TMEM266: variants seen among roughly 807,000 people sequenced by gnomAD.
The protein encoded by TMEM266 is Hv1 related protein 1.
TMEM266 carries 33 observed loss-of-function variants against 50.5 expected under a neutral mutation model. The ratio of observed to expected loss-of-function variants is 0.65; its 90% CI spans 0.50 to 0.87. TMEM266 has a LOEUF of 0.87. Ranked by LOEUF, TMEM266 falls within the 40% of genes least tolerant of loss-of-function variation. The pLI is 0.00. For missense variants in TMEM266, 655 were observed against 695.1 expected (o/e 0.94, Z 0.65); for synonymous variants, 310 against 292.3 (o/e 1.06, Z -0.62).
At chr15:76,133,861 G>T (rs1253315396) in intron 1 of TMEM266, among the ~76,000 whole-genome samples, 1 of 152,146 alleles carries the variant, frequency 6.6e-6, no homozygotes, top group Non-Finnish European at 1.5e-5. Flanking sequence ...CTGTTTTGGG[G>T]GGCACAGCAG....
At chr15:76,193,084 G>C (rs2038606532) in intron 9 of TMEM266, among the ~76,000 whole-genome samples, 1 of 152,234 alleles carries the variant, frequency 6.6e-6, no homozygotes. Context: ...TCAGCTCCAT[G>C]ACTGGAGGCT....
rs771311818 is a variant in TMEM266 at position 76,175,637 on chromosome 15, A to G, written c.731A>G (p.Gln244Arg). ...AAGGCCAAGGTCATCCAAGACGAGC[A>G]GCTGGAGAGGCTGACGCAGATCTGT... The change falls in exon 8 of 11, where the codon CAG becomes CGG. Residue 244 changes from glutamine to arginine, a missense_variant. Gln to Arg is a conservative substitution (Grantham distance 43, BLOSUM62 1). Around this residue, in one of 3 missense-constraint regions of TMEM266, gnomAD observed 455 missense variants for 401.8 expected, o/e 1.13. Coordinates refer to ENST00000388942, the MANE Select transcript of TMEM266 (RefSeq NM_152335.3). The G allele has an allele frequency of 3.1e-6, 5 of 1,614,226 alleles. No individual in the cohort carries two copies. The highest frequency in any genetic ancestry group is 4.2e-6 in the Non-Finnish European group (5 of 1,180,020).
At chr15:76,187,479 G>C (rs143073692) in intron 8 of TMEM266, among the ~76,000 whole-genome samples, 1 of 152,342 alleles carries the variant, frequency 6.6e-6, no homozygotes, top group Non-Finnish European at 1.5e-5. Context: ...AGCTTGGGAG[G>C]GTTGCCTTAT....
chr15:76,130,283 A>G (rs1022172024), intron 1 of TMEM266, among the ~76,000 whole-genome samples: 1 of 136,182 alleles, frequency 7.3e-6, no homozygotes, highest in Non-Finnish European at 1.5e-5. Context: ...CATGCCTGTA[A>G]TTCCAGCACT....
intron 3 of TMEM266, among the ~76,000 whole-genome samples, chr15:76,146,798 T>A (rs1338302105): frequency 3.3e-5 from 5 of 152,220 alleles, no homozygotes; most frequent in Non-Finnish European, 7.3e-5. Context: ...TCTTCTCTCC[T>A]CTAACCCCAC....
chr15:76,105,632 T>A (rs1307959092), intron 1 of TMEM266, among the ~76,000 whole-genome samples: 5 of 152,236 alleles, frequency 3.3e-5, no homozygotes. Context: ...AAACACTGCT[T>A]ACAAAAACAG....
chr15:76,197,681 G>A (rs147615690), intron 9 of TMEM266, among the ~76,000 whole-genome samples: 69 of 152,342 alleles, frequency 4.5e-4, no homozygotes, highest in African/African-American at 1.5e-3. Context: ...AGAGCAAGTT[G>A]GAGTTTAGGA....
At chr15:76,200,135 C>G (rs1228569975) in intron 9 of TMEM266, among the ~76,000 whole-genome samples, 1 of 152,144 alleles carries the variant, frequency 6.6e-6, no homozygotes, top group Non-Finnish European at 1.5e-5. Flanking sequence ...CTCACTGTGA[C>G]TCCACTGAGC....
At chr15:76,165,962 ATTCCGGGGCTTGTGCCCAGAGT>A (rs2038088643) in intron 5 of TMEM266, among the ~76,000 whole-genome samples, 1 of 152,100 alleles carries the variant, frequency 6.6e-6, no homozygotes, top group Non-Finnish European at 1.5e-5. Flanking sequence ...TAAAAAGCAT[ATTCCGGGGCTTGTGCCCAGAGT>A]TTCTGATATC....
intron 8 of TMEM266, among the ~76,000 whole-genome samples, chr15:76,183,454 C>T (rs1443823394): frequency 6.6e-6 from 1 of 152,136 alleles, no homozygotes; most frequent in Non-Finnish European, 1.5e-5. Context: ...CTTCTCCAGT[C>T]AGTGGATAGG....
chr15:76,155,927 C>T (rs541823881), intron 3 of TMEM266, among the ~76,000 whole-genome samples: 45 of 152,332 alleles, frequency 3.0e-4, no homozygotes, highest in African/African-American at 1.0e-3. Flanking sequence ...CTTAGACACA[C>T]GGAAGTGCAG....
chr15:76,145,146 G>A (rs942814197), intron 3 of TMEM266, among the ~76,000 whole-genome samples: 27 of 152,160 alleles, frequency 1.8e-4, no homozygotes, highest in African/African-American at 5.3e-4. Context: ...TTTCATCTCT[G>A]CACTCTGCTG....
At chr15:76,064,639 C>T (rs1205243897) in intron 1 of TMEM266, among the ~76,000 whole-genome samples, 2 of 152,144 alleles carry the variant, frequency 1.3e-5, no homozygotes, top group African/African-American at 4.8e-5. Flanking sequence ...AGAGGATTTC[C>T]CCTTCAAAAA....
At chr15:76,147,852 C>A (rs988242488) in intron 3 of TMEM266, among the ~76,000 whole-genome samples, 3 of 152,164 alleles carry the variant, frequency 2.0e-5, no homozygotes, top group African/African-American at 7.2e-5. Flanking sequence ...AGTGTGAGAA[C>A]CCCTCTCTAC....
intron 3 of TMEM266, among the ~76,000 whole-genome samples, chr15:76,144,033 C>G (rs1337542963): frequency 6.6e-6 from 1 of 152,172 alleles, no homozygotes; most frequent in African/African-American, 2.4e-5. Context: ...GAGAAATGTT[C>G]TTGTCTGACC....
intron 1 of TMEM266, chr15:76,114,140 TAGAC>T (rs1042580994): frequency 1.7e-4 from 26 of 152,196 alleles, no homozygotes; most frequent in African/African-American, 6.3e-4. Flanking sequence ...AAAGGAAAAT[TAGAC>T]AGTATAGAAA....
intron 9 of TMEM266, among the ~76,000 whole-genome samples, chr15:76,197,615 G>A (rs1455596130): frequency 1.3e-5 from 2 of 152,242 alleles, no homozygotes; most frequent in East Asian, 3.9e-4. Flanking sequence ...CTTGTATACA[G>A]TAGGCGCTCA....
intron 8 of TMEM266, chr15:76,191,646 C>T (rs979700991): frequency 1.8e-5 from 5 of 277,672 alleles, no homozygotes; most frequent in African/African-American, 1.1e-4. Flanking sequence ...GAATTTGCAC[C>T]CAGGGCTCCT....
At chr15:76,144,557 C>T (rs566875332) in intron 3 of TMEM266, among the ~76,000 whole-genome samples, 9 of 152,346 alleles carry the variant, frequency 5.9e-5, no homozygotes, top group Non-Finnish European at 1.2e-4. Flanking sequence ...CCATGCCAAG[C>T]CTGTACCATG....
Sources: allele counts gnomAD v4.1 joint callset (sites outside exome capture counted in the v4.1 genomes callset), GRCh38; gene constraint gnomAD v4.1.1; regional missense constraint gnomAD v4.1.1; transcripts MANE v1.5; gene names NCBI Gene and HGNC (gene_info 2026-07-23, HGNC 2026-07-21).